SAMD4A: variants seen among roughly 807,000 people sequenced by gnomAD.
The protein encoded by SAMD4A is sterile alpha motif domain containing 4A.
In SAMD4A, 33 loss-of-function variants were observed where a neutral mutation model predicts 81.3. That is an observed-to-expected ratio of 0.41 (90% CI 0.31 to 0.54). SAMD4A has a LOEUF of 0.54. Among genes scored for constraint, SAMD4A ranks in the 20% least tolerant of loss-of-function variants. The probability of loss-of-function intolerance (pLI) is 0.37; values close to 1 mark genes in which losing one functional copy is unlikely to be tolerated. For synonymous variants in SAMD4A, 389 were observed against 382.1 expected (o/e 1.02, Z -0.21); for missense variants, 854 against 951.1 (o/e 0.90, Z 1.34).
rs138367111 is a variant in SAMD4A, at chr14:54,727,252, C to T, written c.716-9772C>T. On this transcript the variant is annotated intron_variant, in intron 3 of 12. Coordinates refer to ENST00000554335, the MANE Select transcript of SAMD4A (RefSeq NM_015589.6). ...TTGCACAGCCTGGAGTGCAGTGGCACGATCTCGGCTTACTGCAACCTCTGT... is the reference window on the plus strand; with the variant it reads ...TTGCACAGCCTGGAGTGCAGTGGCATGATCTCGGCTTACTGCAACCTCTGT... 6.6e-3 allele frequency among the ~76,000 whole-genome samples: 855 copies of T among 128,874 alleles called. 8 individuals are homozygous for T. Among genetic ancestry groups the T allele is most frequent in the African/African-American group, 0.023 (803 of 35,272 alleles). 84.5% of individuals were successfully genotyped at this position (128,874 alleles called of 152,430 possible).
chr14:54,639,573 T>TAA (rs1176996556), intron 2 of SAMD4A, among the ~76,000 whole-genome samples: 2 of 152,246 alleles, frequency 1.3e-5, no homozygotes, highest in African/African-American at 4.8e-5. Flanking sequence ...GGTGGCCTGT[T>TAA]ACGGCGGGCA....
intron 2 of SAMD4A, among the ~76,000 whole-genome samples, chr14:54,655,643 C>T (rs1441561220): frequency 6.6e-6 from 1 of 152,130 alleles, no homozygotes; most frequent in East Asian, 1.9e-4. Context: ...GAGGCTGAGG[C>T]AGGAGAATCC....
chr14:54,735,697 ATCCAGCCTTTTGAC>A (rs1397934165), intron 3 of SAMD4A, among the ~76,000 whole-genome samples: 1 of 152,200 alleles, frequency 6.6e-6, no homozygotes, highest in Non-Finnish European at 1.5e-5. Context: ...TTCTGGAAAC[ATCCAGCCTTTTGAC>A]TCTGCTCTTT....
At chr14:54,591,723 T>C (rs868683731) in intron 2 of SAMD4A, among the ~76,000 whole-genome samples, 2 of 152,212 alleles carry the variant, frequency 1.3e-5, no homozygotes, top group South Asian at 4.1e-4. Context: ...GACATTTACA[T>C]AGTGTAGTGT....
At chr14:54,576,619 T>C (rs562557569) in intron 2 of SAMD4A, among the ~76,000 whole-genome samples, 1 of 152,320 alleles carries the variant, frequency 6.6e-6, no homozygotes, top group South Asian at 2.1e-4. Flanking sequence ...CTAATGCCAT[T>C]TCCTATCTGA....
At position 54,789,001 on chromosome 14, in the gene SAMD4A, G is replaced by A. The variant is rs2039212196; in HGVS notation, c.*57G>A. 1 of 1,578,926 alleles carries A rather than the reference G, an allele frequency of 6.3e-7. No individual in the cohort carries two copies. On this transcript the variant is annotated 3_prime_UTR_variant, in exon 13 of 13. Coordinates refer to ENST00000554335, the MANE Select transcript of SAMD4A (RefSeq NM_015589.6). ...TGAAATCGACTGCTGCGGGTCCAGT[G>A]TCCGCCATCTTCAGGGTTGCACAGA...
At chr14:54,565,422 A>G (rs1013252079), upstream of SAMD4A, among the ~76,000 whole-genome samples, 4 of 152,202 alleles carry the variant, frequency 2.6e-5, no homozygotes, top group Non-Finnish European at 5.9e-5. This position sits in a 1 kb window ranked among gnomAD's most constrained non-coding sequence, Gnocchi z 5.4. Context: ...GCCGGCCTCT[A>G]GGAGCCTGCG....
intron 2 of SAMD4A, among the ~76,000 whole-genome samples, chr14:54,636,330 C>T (rs1017407263): frequency 1.1e-4 from 16 of 152,020 alleles, no homozygotes; most frequent in Non-Finnish European, 1.8e-4. Flanking sequence ...TGGTGGGAGG[C>T]GAAACCCCAA....
chr14:54,767,278 G>A (rs936575097), intron 8 of SAMD4A, among the ~76,000 whole-genome samples: 10 of 152,190 alleles, frequency 6.6e-5, no homozygotes, highest in Non-Finnish European at 1.0e-4. Flanking sequence ...AGAGAGACAG[G>A]ACGCCCCTTC....
intron 2 of SAMD4A, among the ~76,000 whole-genome samples, chr14:54,586,681 G>A (rs968839651): frequency 6.6e-6 from 1 of 152,124 alleles, no homozygotes; most frequent in Non-Finnish European, 1.5e-5. Context: ...GTTGAATAGG[G>A]TGTCCTTTTC....
Position 54,760,454 on chromosome 14 carries a change from G to T in SAMD4A, c.1470G>T (p.Glu490Asp). ...AGCTGGCCGTCGCCCCCCTGCCAGA[G>T]GGGGACCTCCCCGGGCAGTTCACAC... ...DGELAVAPLP[E>D]GDLPGQFTRV... Residue 490 changes from glutamate to aspartate, a missense_variant, in exon 7 of 13, where the codon GAG (glutamate) becomes GAT (aspartate). By Grantham distance (45) the Glu-to-Asp change is conservative. Around this residue, in one of 3 missense-constraint regions of SAMD4A, gnomAD observed 428 missense variants for 471.2 expected, o/e 0.91. Coordinates refer to ENST00000554335, the MANE Select transcript of SAMD4A (RefSeq NM_015589.6). The T allele has an allele frequency of 7.0e-7, 1 of 1,427,130 alleles. No individual in the cohort carries two copies. Among genetic ancestry groups the T allele is most frequent in the South Asian group, 1.5e-5 (1 of 65,422 alleles). 88.4% of individuals were successfully genotyped at this position (1,427,130 alleles called of 1,614,324 possible).
rs1415711857 is a variant in SAMD4A, at chr14:54,729,258, CG to C, written c.716-7763del. Reference sequence around the variant, plus strand: ...GCAGTCTAGGTGGTGCCGTTAAGCGCGGGATGGATGCTGTATTGCATAAACC... The same window carrying C: ...GCAGTCTAGGTGGTGCCGTTAAGCGCGGATGGATGCTGTATTGCATAAACC... On this transcript the variant is annotated intron_variant, in intron 3 of 12. Coordinates refer to ENST00000554335, the MANE Select transcript of SAMD4A (RefSeq NM_015589.6). Among the ~76,000 whole-genome samples the C allele has an allele frequency of 3.3e-5, 5 of 152,046 alleles. No individual in the cohort carries two copies. The East Asian group carries it at 9.7e-4, about 29-fold the overall frequency.
At chr14:54,758,117 T>A (rs1385950964) in intron 6 of SAMD4A, among the ~76,000 whole-genome samples, 1 of 152,188 alleles carries the variant, frequency 6.6e-6, no homozygotes, top group East Asian at 1.9e-4. Context: ...AAAAAGGGAC[T>A]TTCTCCCCTA....
intron 2 of SAMD4A, among the ~76,000 whole-genome samples, chr14:54,570,511 A>C (rs2033099830): frequency 1.3e-5 from 2 of 152,216 alleles, no homozygotes; most frequent in Non-Finnish European, 2.9e-5. Context: ...GGGGTGAGGG[A>C]CTGCTGTAAT....
chr14:54,641,465 CTCTT>C (rs1054237182), intron 2 of SAMD4A, among the ~76,000 whole-genome samples: 12 of 152,228 alleles, frequency 7.9e-5, no homozygotes, highest in South Asian at 2.1e-4. Context: ...AAAGAATAGT[CTCTT>C]TGTCTCTTTT....
At chr14:54,715,040 A>G (rs1219348478) in intron 3 of SAMD4A, among the ~76,000 whole-genome samples, 1 of 152,138 alleles carries the variant, frequency 6.6e-6, no homozygotes, top group Non-Finnish European at 1.5e-5. Context: ...ATGAATAGGA[A>G]TAGTTTTTTA....
intron 2 of SAMD4A, among the ~76,000 whole-genome samples, chr14:54,620,668 C>T (rs1026757716): frequency 2.0e-5 from 3 of 152,108 alleles, no homozygotes; most frequent in Non-Finnish European, 2.9e-5. Context: ...GGAAAGAAGT[C>T]GTAAGGGACA....
At chr14:54,773,968 G>GAAAC (rs2038771579) in intron 9 of SAMD4A, among the ~76,000 whole-genome samples, 1 of 152,240 alleles carries the variant, frequency 6.6e-6, no homozygotes, top group Non-Finnish European at 1.5e-5. Context: ...AGGCTGAGCA[G>GAAAC]AAACAATGAT....
At chr14:54,660,223 A>C (rs1252067342) in intron 2 of SAMD4A, among the ~76,000 whole-genome samples, 1 of 152,042 alleles carries the variant, frequency 6.6e-6, no homozygotes, top group African/African-American at 2.4e-5. Context: ...ATTTCCTTTC[A>C]TCCTCATAGG....
Sources: allele counts gnomAD v4.1 joint callset (sites outside exome capture counted in the v4.1 genomes callset), GRCh38; gene constraint gnomAD v4.1.1; regional missense constraint gnomAD v4.1.1; non-coding constraint Gnocchi (gnomAD v3.1); transcripts MANE v1.5; gene names NCBI Gene and HGNC (gene_info 2026-07-23, HGNC 2026-07-21).